Variants in TRAPPC10 observed in about 807,000 individuals in gnomAD.
TRAPPC10 encodes trafficking protein particle complex subunit 10, also known as TRAPP 130 kDa subunit.
TRAPPC10 carries 23 observed loss-of-function variants against 125.5 expected under a neutral mutation model. The ratio of observed to expected loss-of-function variants is 0.18; its 90% CI spans 0.13 to 0.26. The LOEUF (loss-of-function observed/expected upper bound fraction) is 0.26. Among genes scored for constraint, TRAPPC10 ranks in the 10% least tolerant of loss-of-function variants. The pLI, the probability that TRAPPC10 is intolerant of heterozygous loss-of-function variation, is 1.00. For missense variants in TRAPPC10, 1,123 were observed against 1,308.4 expected (o/e 0.86, Z 2.19); for synonymous variants, 509 against 518.0 (o/e 0.98, Z 0.24).
At chr21:44,068,059 G>A (rs1229078772) in intron 7 of TRAPPC10, among the ~76,000 whole-genome samples, 2 of 151,386 alleles carry the variant, frequency 1.3e-5, no homozygotes, top group Non-Finnish European at 2.9e-5. Context: ...GGCAGAGGTT[G>A]CAGTGAGCCG....
chr21:44,056,610 T>C (rs2035611781), intron 5 of TRAPPC10, among the ~76,000 whole-genome samples: 1 of 152,148 alleles, frequency 6.6e-6, no homozygotes. Context: ...AATGATCATC[T>C]CACGGCAGTC....
intron 7 of TRAPPC10, among the ~76,000 whole-genome samples, chr21:44,068,118 C>CAAAAA (rs1282628289): frequency 1.9e-4 from 15 of 77,054 alleles, no homozygotes; most frequent in African/African-American, 5.7e-4. Flanking sequence ...GACTCCGTCT[C>CAAAAA]AAAAAAAAAA....
At chr21:44,022,384 A>G (rs1162410935) in intron 1 of TRAPPC10, among the ~76,000 whole-genome samples, 2 of 149,364 alleles carry the variant, frequency 1.3e-5, no homozygotes, top group Non-Finnish European at 3.0e-5. Context: ...CCCAGGTTCA[A>G]GCGATTCTCC....
intron 3 of TRAPPC10, among the ~76,000 whole-genome samples, chr21:44,050,335 G>A (rs1434373953): frequency 6.6e-6 from 1 of 151,086 alleles, no homozygotes; most frequent in African/African-American, 2.4e-5. Context: ...CTGCTCTAAT[G>A]TCCCCTTGGG....
At chr21:44,067,400 G>C (rs1178974045) in intron 7 of TRAPPC10, among the ~76,000 whole-genome samples, 1 of 152,172 alleles carries the variant, frequency 6.6e-6, no homozygotes, top group Non-Finnish European at 1.5e-5. Flanking sequence ...TGCTGGGTGG[G>C]TGCTCTCATG....
intron 17 of TRAPPC10, chr21:44,088,243 AC>A (rs1253711186): frequency 5.3e-6 from 2 of 376,386 alleles, no homozygotes; most frequent in Admixed American, 7.9e-5. Flanking sequence ...TAGACCGGTG[AC>A]GAGGCCAGAG....
At chr21:44,088,165 A>G in intron 17 of TRAPPC10, 2 of 555,206 alleles carry the variant, frequency 3.6e-6, no homozygotes, top group South Asian at 2.1e-5. Flanking sequence ...TCCAGGGGCC[A>G]GGGAGTTTGC....
chr21:44,049,953 C>T (rs1186492756), intron 3 of TRAPPC10, among the ~76,000 whole-genome samples: 1 of 151,762 alleles, frequency 6.6e-6, no homozygotes, highest in East Asian at 1.9e-4. Context: ...GATCTCGGCT[C>T]ACTGCAACCT....
Position 44,082,347 on chromosome 21 carries a change from A to G in TRAPPC10, c.1724-441A>G, listed in dbSNP as rs1426516400. Among the ~76,000 whole-genome samples the G allele has an allele frequency of 6.6e-6, 1 of 152,146 alleles. No homozygotes were observed. The highest frequency in any genetic ancestry group is 1.5e-5 in the Non-Finnish European group (1 of 68,032). ...CCTGCTTAATCGGCTGACTTTGTAG[A>G]CTGGCAGACACCTGGGGTTTGTTTC... On this transcript the variant is annotated intron_variant, in intron 13 of 22. Transcript: ENST00000291574. This position sits in a 1 kb window ranked among gnomAD's most constrained non-coding sequence, Gnocchi z 4.4.
chr21:44,012,787 C>T (rs1004597572), intron 1 of TRAPPC10, among the ~76,000 whole-genome samples: 1 of 151,922 alleles, frequency 6.6e-6, no homozygotes, highest in Non-Finnish European at 1.5e-5. Context: ...GCCCTCGGGC[C>T]GGCTGCAGTT....
At chr21:44,093,663 C>T (rs908707932) in intron 19 of TRAPPC10, among the ~76,000 whole-genome samples, 3 of 151,570 alleles carry the variant, frequency 2.0e-5, no homozygotes, top group Non-Finnish European at 4.4e-5. Flanking sequence ...GAGGCTGATG[C>T]GGAAGAATCA....
At chr21:44,067,534 G>C (rs958052818) in intron 7 of TRAPPC10, among the ~76,000 whole-genome samples, 2 of 152,198 alleles carry the variant, frequency 1.3e-5, no homozygotes, top group Admixed American at 1.3e-4. Context: ...AAAGGAAAGA[G>C]AGGACTGTCA....
At chr21:44,026,102 G>T (rs2033038772) in intron 1 of TRAPPC10, among the ~76,000 whole-genome samples, 1 of 151,996 alleles carries the variant, frequency 6.6e-6, no homozygotes, top group African/African-American at 2.4e-5. Context: ...GAAATGTGGA[G>T]TTAGTTGCCT....
At chr21:44,094,937 T>C (rs1054704043) in intron 20 of TRAPPC10, among the ~76,000 whole-genome samples, 34 of 151,850 alleles carry the variant, frequency 2.2e-4, no homozygotes, top group African/African-American at 7.5e-4. Flanking sequence ...TTGACCTTCA[T>C]GTTTTATATA....
intron 3 of TRAPPC10, chr21:44,046,875 C>A: frequency 1.3e-6 from 1 of 779,950 alleles, no homozygotes; most frequent in Non-Finnish European, 2.3e-6. Flanking sequence ...TCCAGGATGG[C>A]TGTGTTGTAC....
intron 11 of TRAPPC10, among the ~76,000 whole-genome samples, chr21:44,078,440 TAAA>T (rs34659269): frequency 1.3e-4 from 17 of 126,044 alleles, no homozygotes; most frequent in Non-Finnish European, 2.1e-4. Context: ...TTTCATTTTC[TAAA>T]AAAAAAAAAA....
intron 13 of TRAPPC10, 100 bp downstream of exon 13, chr21:44,080,227 A>G: frequency 1.9e-6 from 2 of 1,068,698 alleles, no homozygotes; most frequent in Non-Finnish European, 2.8e-6. Context: ...AACAGTTGCT[A>G]ACATTTTGCT....
intron 1 of TRAPPC10, among the ~76,000 whole-genome samples, chr21:44,025,221 C>T (rs1006130608): frequency 3.3e-5 from 5 of 152,214 alleles, no homozygotes; most frequent in African/African-American, 1.2e-4. Flanking sequence ...CAGCTCCCTC[C>T]TGAGTGCTTG....
At chr21:44,045,320 G>T (rs1044100597) in intron 3 of TRAPPC10, among the ~76,000 whole-genome samples, 2 of 152,138 alleles carry the variant, frequency 1.3e-5, no homozygotes, top group Admixed American at 6.5e-5. Flanking sequence ...AACCTTGCTT[G>T]TAGTGTAGGT....
Sources: gnomAD v4.1 joint callset for allele counts (sites outside exome capture counted in the v4.1 genomes callset) on GRCh38, gnomAD v4.1.1 for gene constraint, Gnocchi (gnomAD v3.1) non-coding constraint, MANE v1.5 for transcripts, NCBI Gene and HGNC (gene_info 2026-07-23, HGNC 2026-07-21) for gene names.